Variants in MPRIP observed in about 807,000 individuals in gnomAD.
The protein encoded by MPRIP is myosin phosphatase Rho-interacting protein.
Under a neutral mutation model 234.9 loss-of-function variants are expected in MPRIP, and 59 were observed. The observed-to-expected ratio is 0.25, with a 90% CI of 0.20 to 0.31. The LOEUF is 0.31. MPRIP is among the 10% of genes least tolerant of loss of function. The pLI is 1.00. For synonymous variants in MPRIP, 1,144 were observed against 1,263.9 expected, an observed-to-expected ratio of 0.91 and a Z score of 2.01; for missense variants, 2,436 against 3,071.0, an observed-to-expected ratio of 0.79 and a Z score of 4.89.
At position 17,191,961 on chromosome 17, in the gene MPRIP, T is replaced by C. The variant is rs1188220094; in HGVS notation, c.*7067T>C. The C allele has an allele frequency of 1.3e-5, 2 of 152,222 alleles. No individual in the cohort carries two copies. Among genetic ancestry groups the C allele is most frequent in the African/African-American group, 2.4e-5 (1 of 41,464 alleles). The allele number at this position is 152,222 out of a possible 1,614,324, so 9.4% of individuals were successfully genotyped here. A position where few individuals can be genotyped will look rare whatever the true frequency, so the allele number is the denominator to read the frequency against. ...TTCATGTGGTTTTCCTAGGGTACAA[T>C]TTATAAAAGGTAGAAAGCATCCAAG... On this transcript the variant is annotated 3_prime_UTR_variant, in exon 24 of 24. Transcript: ENST00000651222.
At chr17:17,063,793 G>A (rs1044496638) in intron 1 of MPRIP, among the ~76,000 whole-genome samples, 1 of 152,226 alleles carries the variant, frequency 6.6e-6, no homozygotes, top group Non-Finnish European at 1.5e-5. Flanking sequence ...TGGGCTGGTT[G>A]TGATGGGGTG....
rs144378518 is a variant in MPRIP at position 17,155,378 on chromosome 17, A to G, written c.1829+963A>G. On this transcript the variant is annotated intron_variant, in intron 13 of 23. Coordinates refer to ENST00000651222, the MANE Select transcript of MPRIP (RefSeq NM_001364716.4). ...AGCAGTTCTCCTGCCTCAGCCTCCC[A>G]AGTAGCTGGGATTACCCACCACACC... Among the ~76,000 whole-genome samples, 879 of 151,718 alleles carry G rather than the reference A, an allele frequency of 5.8e-3. 5 individuals carry two copies. The highest frequency in any genetic ancestry group is 0.02 in the African/African-American group (808 of 41,296).
intron 1 of MPRIP, among the ~76,000 whole-genome samples, chr17:17,062,481 A>G (rs2088896980): frequency 6.6e-6 from 1 of 152,236 alleles, no homozygotes; most frequent in Non-Finnish European, 1.5e-5. Flanking sequence ...AGAACTGACC[A>G]CGAGCCCCTT....
At chr17:17,082,285 ATTTTTT>A (rs71355536) in intron 3 of MPRIP, among the ~76,000 whole-genome samples, 26 of 88,710 alleles carry the variant, frequency 2.9e-4, no homozygotes, top group East Asian at 1.1e-3. Context: ...GCTTTTTCCA[ATTTTTT>A]TTTTTTTTTT....
chr17:17,055,032 A>G (rs186121596), intron 1 of MPRIP, among the ~76,000 whole-genome samples: 2 of 151,908 alleles, frequency 1.3e-5, no homozygotes, highest in East Asian at 1.9e-4. Flanking sequence ...CCTGGGTAAT[A>G]GAACGAGACC....
intron 8 of MPRIP, 35 bp from the exon 9 acceptor site, chr17:17,143,520 TG>T: frequency 7.1e-7 from 1 of 1,412,214 alleles, no homozygotes; most frequent in Non-Finnish European, 9.7e-7. Context: ...CACATTGCCC[TG>T]GGCTGCACTG....
chr17:17,077,436 T>A (rs2089358683), intron 2 of MPRIP: 1 of 155,104 alleles, frequency 6.4e-6, no homozygotes, highest in Non-Finnish European at 1.4e-5. Flanking sequence ...ATTGGAGTTA[T>A]TTCCACTGGT....
chr17:17,145,077 C>T (rs528627648), intron 9 of MPRIP, among the ~76,000 whole-genome samples: 4 of 152,268 alleles, frequency 2.6e-5, no homozygotes, highest in Non-Finnish European at 5.9e-5. Flanking sequence ...CTTGGCAGGA[C>T]GTTGGGGTTG....
Position 17,183,435 on chromosome 17 carries a change from C to A in MPRIP, c.7207-1388C>A, listed in dbSNP as rs544249722. ...GTTTCACTGTGTTAGCCAGGATGGT[C>A]TCGATCTCCTGACATCGTGATCTGC... On this transcript the variant is annotated intron_variant, in intron 23 of 23. Coordinates refer to ENST00000651222, the MANE Select transcript of MPRIP (RefSeq NM_001364716.4). Among the ~76,000 whole-genome samples the A allele has an allele frequency of 7.1e-4, 108 of 152,316 alleles. 1 individual carries two copies. The highest frequency in any genetic ancestry group is 1.4e-3 in the East Asian group (7 of 5,180).
intron 12 of MPRIP, among the ~76,000 whole-genome samples, chr17:17,152,260 G>C (rs962723093): frequency 1.3e-5 from 2 of 152,270 alleles, no homozygotes; most frequent in African/African-American, 4.8e-5. Context: ...TCCGCTGTGG[G>C]AGGGGTAGGC....
rs552161552 is a variant in MPRIP at position 17,130,011 on chromosome 17, T to C, written c.420-1606T>C. ...AAGTGTGACCAGGGAGGAGAGGGGC[T>C]CAGGACCCTCAGAAGGCCTGCCTGT... On this transcript the variant is annotated intron_variant, in intron 4 of 23. Transcript: ENST00000651222. 1.3e-4 allele frequency among the ~76,000 whole-genome samples: 20 copies of C among 152,306 alleles called. 1 individual carries two copies. The highest frequency in any genetic ancestry group is 4.8e-4 in the African/African-American group (20 of 41,570).
chr17:17,142,586 C>T, intron 7 of MPRIP, 41 bp from the exon 8 acceptor site: 5 of 1,604,448 alleles, frequency 3.1e-6, no homozygotes, highest in Non-Finnish European at 4.3e-6. Flanking sequence ...CCTCACAGCT[C>T]ACCTCACTGC....
intron 1 of MPRIP, among the ~76,000 whole-genome samples, chr17:17,066,459 T>G (rs943944400): frequency 6.6e-6 from 1 of 152,220 alleles, no homozygotes; most frequent in African/African-American, 2.4e-5. Flanking sequence ...TTTTTGAATA[T>G]TAAACCGGCA....
chr17:17,066,722 T>C (rs1260261212), intron 1 of MPRIP, among the ~76,000 whole-genome samples: 1 of 88,618 alleles, frequency 1.1e-5, no homozygotes, highest in Non-Finnish European at 2.3e-5. Flanking sequence ...ACTTTTTTCA[T>C]CTTTTTTTTT....
chr17:17,110,239 A>G (rs2090143812), intron 3 of MPRIP, among the ~76,000 whole-genome samples: 1 of 152,134 alleles, frequency 6.6e-6, no homozygotes, highest in South Asian at 2.1e-4. Flanking sequence ...GTAGAGCAGC[A>G]CAAGGCCCTC....
intron 3 of MPRIP, among the ~76,000 whole-genome samples, chr17:17,121,810 C>T (rs1294610509): frequency 6.6e-6 from 1 of 152,144 alleles, no homozygotes; most frequent in Non-Finnish European, 1.5e-5. Context: ...TCTCCCTCTT[C>T]CCACCCTCCC....
intron 3 of MPRIP, among the ~76,000 whole-genome samples, chr17:17,080,472 C>T (rs2089436765): frequency 6.6e-6 from 1 of 152,260 alleles, no homozygotes; most frequent in African/African-American, 2.4e-5. Flanking sequence ...TGTGGGTAAA[C>T]TCCAGCCAAG....
intron 5 of MPRIP, among the ~76,000 whole-genome samples, chr17:17,132,888 C>A (rs2090625036): frequency 6.6e-6 from 1 of 152,202 alleles, no homozygotes; most frequent in East Asian, 1.9e-4. Context: ...ATACGTAAAT[C>A]CCCCAAAGCT....
chr17:17,173,525 G>A (rs1225782226), intron 18 of MPRIP, among the ~76,000 whole-genome samples: 1 of 152,252 alleles, frequency 6.6e-6, no homozygotes, highest in Non-Finnish European at 1.5e-5. Flanking sequence ...AACAGCCTCA[G>A]GAAGCTTGGG....
Sources: allele counts gnomAD v4.1 joint callset (sites outside exome capture counted in the v4.1 genomes callset), GRCh38; gene constraint gnomAD v4.1.1; transcripts MANE v1.5; gene names NCBI Gene and HGNC (gene_info 2026-07-23, HGNC 2026-07-21).